The following SS18 variants were observed in gnomAD, a reference collection of about 807,000 sequenced individuals.
SS18 encodes the protein protein SSXT.
A neutral mutation model predicts 72.5 loss-of-function variants in SS18; 28 were observed. The observed-to-expected ratio is 0.39, with a 90% CI of 0.29 to 0.53. SS18 has a LOEUF of 0.53. Ranked by LOEUF, SS18 falls within the 20% of genes least tolerant of loss-of-function variation. SS18 has a pLI of 0.76. For synonymous variants in SS18, 172 were observed against 164.2 expected, an observed-to-expected ratio of 1.05 and a Z score of -0.37; for missense variants, 518 against 535.3, an observed-to-expected ratio of 0.97 and a Z score of 0.32.
chr18:26,060,993 T>G (rs953281664), intron 3 of SS18, among the ~76,000 whole-genome samples: 1 of 148,338 alleles, frequency 6.7e-6, no homozygotes, highest in South Asian at 2.1e-4. Flanking sequence ...TACTAAAGAC[T>G]TAAAATAACT....
rs116165792 is a variant in SS18, at chr18:26,032,756, T to C, written c.1097-224A>G. ...TCACTATAATTATCGTACTATGCCCTAGCCATTACAAAATATATTTCAAAA... is the reference window on the plus strand; with the variant it reads ...TCACTATAATTATCGTACTATGCCCCAGCCATTACAAAATATATTTCAAAA... On this transcript the variant is annotated intron_variant, in intron 9 of 10. Coordinates refer to ENST00000415083, the MANE Select transcript of SS18 (RefSeq NM_001007559.3). Among the ~76,000 whole-genome samples the C allele has an allele frequency of 7.9e-3, 1,199 of 152,302 alleles. 16 individuals are homozygous for C. Among genetic ancestry groups the C allele is most frequent in the African/African-American group, 0.028 (1,144 of 41,562 alleles).
chr18:26,090,833 C>G, upstream of SS18: 1 of 533,144 alleles, frequency 1.9e-6, no homozygotes. Flanking sequence ...CTTATGGGCA[C>G]CCCCTGGCCC....
At chr18:26,077,334 T>G (rs9964504) in intron 3 of SS18, among the ~76,000 whole-genome samples, 1 of 151,938 alleles carries the variant, frequency 6.6e-6, no homozygotes, top group African/African-American at 2.4e-5. Context: ...GCCTCTCTAA[T>G]TACCAGTTTA....
chr18:26,055,871 C>T (rs1408803654), intron 4 of SS18, among the ~76,000 whole-genome samples: 1 of 151,380 alleles, frequency 6.6e-6, no homozygotes, highest in Non-Finnish European at 1.5e-5. Flanking sequence ...GATTCTCCTG[C>T]CTCAGCCTCC....
At chr18:26,089,068 T>C (rs973499950) in intron 1 of SS18, among the ~76,000 whole-genome samples, 2 of 152,222 alleles carry the variant, frequency 1.3e-5, no homozygotes, top group African/African-American at 2.4e-5. Context: ...CTGTCTCACA[T>C]CTAATATCAA....
intron 2 of SS18, 56 bp downstream of exon 2, chr18:26,087,445 A>T: frequency 1.0e-6 from 1 of 976,920 alleles, no homozygotes; most frequent in Non-Finnish European, 1.6e-6. Context: ...AGTAAAAAGT[A>T]AAAAATTAAC....
rs992040559 is a variant in SS18 at position 26,052,761 on chromosome 18, T to C, written c.470A>G (p.His157Arg). The change falls in exon 5 of 11, where the codon CAT (histidine) becomes CGT (arginine). Residue 157 changes from histidine to arginine, a missense_variant. Coordinates refer to ENST00000415083, the MANE Select transcript of SS18 (RefSeq NM_001007559.3). ...NSSMNMPSSS[H>R]GSMGGYNHSV... ...ATGGTTGTAACCTCCCATGGATCCA[T>C]GGCTACTTGAAGGCATATTCATGGA... The C allele has an allele frequency of 1.2e-6, 2 of 1,613,872 alleles. No individual in the cohort carries two copies. The highest frequency in any genetic ancestry group is 1.3e-5 in the African/African-American group (1 of 74,926).
At chr18:26,023,882 T>A (rs1316187314) in intron 10 of SS18, among the ~76,000 whole-genome samples, 2 of 151,934 alleles carry the variant, frequency 1.3e-5, no homozygotes, top group Non-Finnish European at 2.9e-5. Context: ...ACTGATTTTT[T>A]TAGACAAAAA....
chr18:26,090,216 A>C, intron 1 of SS18: 1 of 458,218 alleles, frequency 2.2e-6, no homozygotes, highest in Non-Finnish European at 3.8e-6. Flanking sequence ...CGCGCCCCGC[A>C]GCCCGAACGC....
At chr18:26,084,736 T>C (rs1466335624) in intron 2 of SS18, among the ~76,000 whole-genome samples, 1 of 152,202 alleles carries the variant, frequency 6.6e-6, no homozygotes, top group Non-Finnish European at 1.5e-5. Context: ...ACAAAACTAC[T>C]GGTCTATACT....
chr18:26,057,034 C>A (rs1006794299), intron 4 of SS18, among the ~76,000 whole-genome samples: 2 of 152,060 alleles, frequency 1.3e-5, no homozygotes. Flanking sequence ...ATTTTTCAGC[C>A]TTTAATTTTT....
chr18:26,061,042 G>A (rs1447352246), intron 3 of SS18, among the ~76,000 whole-genome samples: 3 of 151,936 alleles, frequency 2.0e-5, no homozygotes, highest in Non-Finnish European at 2.9e-5. Flanking sequence ...GGCTGGACAC[G>A]GTGGCCCACG....
chr18:26,064,173 GA>G (rs2054173120), intron 3 of SS18, among the ~76,000 whole-genome samples: 1 of 151,990 alleles, frequency 6.6e-6, no homozygotes, highest in Non-Finnish European at 1.5e-5. Flanking sequence ...AATTTTCCCT[GA>G]AGTAATCTCC....
chr18:26,022,784 A>C (rs930644176), intron 10 of SS18, among the ~76,000 whole-genome samples: 1 of 152,224 alleles, frequency 6.6e-6, no homozygotes, highest in African/African-American at 2.4e-5. Flanking sequence ...AGATATGCAA[A>C]TGTGTGAGGA....
intron 10 of SS18, among the ~76,000 whole-genome samples, chr18:26,019,506 T>TA (rs1051370832): frequency 6.6e-6 from 1 of 152,120 alleles, no homozygotes; most frequent in African/African-American, 2.4e-5. Flanking sequence ...AATAATGAAT[T>TA]AAACAGAATT....
At chr18:26,077,451 C>T (rs564308580) in intron 3 of SS18, among the ~76,000 whole-genome samples, 2 of 152,066 alleles carry the variant, frequency 1.3e-5, no homozygotes, top group South Asian at 2.1e-4. Context: ...GTTCCTTTAA[C>T]AAATAAATGA....
chr18:26,046,103 A>C (rs1330689755), intron 5 of SS18, among the ~76,000 whole-genome samples: 1 of 150,830 alleles, frequency 6.6e-6, no homozygotes, highest in African/African-American at 2.5e-5. Context: ...AGGAGAATCG[A>C]AACACTTGAA....
At chr18:26,022,575 A>C (rs1409242973) in intron 10 of SS18, among the ~76,000 whole-genome samples, 1 of 152,170 alleles carries the variant, frequency 6.6e-6, no homozygotes, top group East Asian at 1.9e-4. Flanking sequence ...AACTACCTTG[A>C]GAGTTTCCAG....
At chr18:26,081,088 C>CAAAAAAA (rs58751181) in intron 2 of SS18, 1 of 63,430 alleles carries the variant, frequency 1.6e-5, no homozygotes, top group African/African-American at 4.1e-5. Flanking sequence ...GACTCCGTCT[C>CAAAAAAA]AAAAAAAAAA....
Sources: gnomAD v4.1 joint callset for allele counts (sites outside exome capture counted in the v4.1 genomes callset) on GRCh38, gnomAD v4.1.1 for gene constraint, MANE v1.5 for transcripts, NCBI Gene and HGNC (gene_info 2026-07-23, HGNC 2026-07-21) for gene names.